The following LPGAT1 variants were observed in gnomAD, a reference collection of about 807,000 sequenced individuals.
LPGAT1 encodes acyl-CoA:lysophosphatidylglycerol acyltransferase 1.
In LPGAT1, 11 loss-of-function variants were observed where a neutral mutation model predicts 47.5. The observed-to-expected ratio is 0.23, with a 90% CI of 0.15 to 0.38. LPGAT1 has a LOEUF of 0.38. LPGAT1 is among the 10% of genes least tolerant of loss of function. The probability of loss-of-function intolerance (pLI) is 1.00; values close to 1 mark genes in which losing one functional copy is unlikely to be tolerated. For synonymous variants in LPGAT1, 138 were observed against 144.2 expected (o/e 0.96, Z 0.31); for missense variants, 293 against 439.0 (o/e 0.67, Z 2.97).
chr1:211,758,294 C>T (rs543750612), intron 6 of LPGAT1, among the ~76,000 whole-genome samples: 2 of 152,156 alleles, frequency 1.3e-5, no homozygotes, highest in Non-Finnish European at 2.9e-5. Flanking sequence ...TACCAAGGAA[C>T]CTTACAATTT....
At chr1:211,808,167 G>T (rs771307884) in intron 2 of LPGAT1, among the ~76,000 whole-genome samples, 1 of 151,986 alleles carries the variant, frequency 6.6e-6, no homozygotes, top group African/African-American at 2.4e-5. Flanking sequence ...CCAACATGGA[G>T]AAACCCCGTC....
At chr1:211,798,744 A>G (rs928348933) in intron 2 of LPGAT1, among the ~76,000 whole-genome samples, 11 of 152,198 alleles carry the variant, frequency 7.2e-5, no homozygotes, top group African/African-American at 1.9e-4. Context: ...AAAATAATCC[A>G]TAAGTGAATT....
intron 2 of LPGAT1, among the ~76,000 whole-genome samples, chr1:211,825,001 C>G (rs12059988): frequency 2.0e-4 from 31 of 151,686 alleles, no homozygotes; most frequent in Non-Finnish European, 3.4e-4. Flanking sequence ...AAGCCCCCCC[C>G]AAATAATGCC....
intron 2 of LPGAT1, among the ~76,000 whole-genome samples, chr1:211,806,393 C>T (rs1464681112): frequency 1.1e-4 from 17 of 150,904 alleles, no homozygotes. Flanking sequence ...AGCTGGAAGC[C>T]ATTACGCTAA....
chr1:211,821,175 G>A (rs994685783), intron 2 of LPGAT1, among the ~76,000 whole-genome samples: 1 of 152,200 alleles, frequency 6.6e-6, no homozygotes, highest in Non-Finnish European at 1.5e-5. Context: ...ACAATTGCTT[G>A]AACCCAGGAG....
At chr1:211,756,834 C>T (rs1284173796) in intron 6 of LPGAT1, among the ~76,000 whole-genome samples, 1 of 151,766 alleles carries the variant, frequency 6.6e-6, no homozygotes, top group Non-Finnish European at 1.5e-5. Context: ...GCTGAGATTC[C>T]CTTCTACAAC....
chr1:211,784,557 G>C (rs1658778029), intron 4 of LPGAT1, among the ~76,000 whole-genome samples: 1 of 151,388 alleles, frequency 6.6e-6, no homozygotes, highest in Non-Finnish European at 1.5e-5. Flanking sequence ...GACCACAGGA[G>C]ATAAGTTAGA....
chr1:211,777,153 T>C (rs1172970050), intron 6 of LPGAT1, among the ~76,000 whole-genome samples: 1 of 152,128 alleles, frequency 6.6e-6, no homozygotes, highest in Non-Finnish European at 1.5e-5. Flanking sequence ...AAAAACAATA[T>C]ACGAGAAGTC....
intron 2 of LPGAT1, among the ~76,000 whole-genome samples, chr1:211,807,588 C>T (rs974063869): frequency 1.6e-4 from 24 of 151,984 alleles, no homozygotes; most frequent in Non-Finnish European, 2.2e-4. Context: ...AAAAGAGGAT[C>T]CTGAAATAGA....
rs985758123 is a variant in LPGAT1, at chr1:211,768,199, C to T, written c.854+10719G>A. Among the ~76,000 whole-genome samples the T allele has an allele frequency of 3.9e-5, 6 of 152,094 alleles. 1 individual carries two copies. The highest frequency in any genetic ancestry group is 6.5e-5 in the Admixed American group (1 of 15,282). Reference sequence around the variant, plus strand: ...TAAAAGGGAAAAACCTATTTAGTATCTTATTAAATGGTATGCATTTGAAAT... The same window carrying T: ...TAAAAGGGAAAAACCTATTTAGTATTTTATTAAATGGTATGCATTTGAAAT... On this transcript the variant is annotated intron_variant, in intron 6 of 7. Transcript: ENST00000366997.
At chr1:211,767,386 T>C (rs1259752087) in intron 6 of LPGAT1, among the ~76,000 whole-genome samples, 2 of 152,168 alleles carry the variant, frequency 1.3e-5, no homozygotes, top group Non-Finnish European at 2.9e-5. Flanking sequence ...TCCATTCACC[T>C]CGGCCTCCCA....
At chr1:211,755,519 T>C (rs1026388757) in intron 6 of LPGAT1, among the ~76,000 whole-genome samples, 11 of 151,544 alleles carry the variant, frequency 7.3e-5, no homozygotes, top group African/African-American at 1.2e-4. Context: ...GGGGGAGTAT[T>C]TTAAAACCCA....
At chr1:211,757,240 G>A (rs1657500565) in intron 6 of LPGAT1, among the ~76,000 whole-genome samples, 1 of 149,544 alleles carries the variant, frequency 6.7e-6, no homozygotes, top group Admixed American at 6.8e-5. Context: ...GGCAACAAGA[G>A]TAAAATTCTG....
chr1:211,790,598 T>C (rs1215748317), intron 3 of LPGAT1, among the ~76,000 whole-genome samples: 3 of 152,212 alleles, frequency 2.0e-5, no homozygotes, highest in Admixed American at 2.0e-4. Flanking sequence ...AATATTCTTC[T>C]AGATTTCAAA....
At position 211,778,980 on chromosome 1, in the gene LPGAT1, A is replaced by T. The variant is rs556304304; in HGVS notation, c.792T>A (p.Pro264=). The T allele has an allele frequency of 6.2e-7, 1 of 1,610,554 alleles. No homozygotes were observed. The highest frequency in any genetic ancestry group is 1.3e-5 in the African/African-American group (1 of 74,842). ...CAAGGATCCAGGTTTGAATATCTAT[A>T]GGTTCAGCTTTGGGATAAGCTATCG... ...DTTIAYPKAE[P]IDIQTWILGY... Residue 264 remains proline, a synonymous_variant, in exon 6 of 8, where the codon CCT becomes CCA. Coordinates refer to ENST00000366997, the MANE Select transcript of LPGAT1 (RefSeq NM_014873.3).
intron 6 of LPGAT1, among the ~76,000 whole-genome samples, chr1:211,774,132 C>CTTTTTTTTTT (rs67342051): frequency 0.012 from 832 of 66,806 alleles, 164 homozygotes; most frequent in African/African-American, 0.016. Context: ...TTTTAAAAGT[C>CTTTTTTTTTT]TTTTTTTTTT....
At position 211,795,493 on chromosome 1, in the gene LPGAT1, A is replaced by G. The variant is rs548373825; in HGVS notation, c.239-2303T>C. Among the ~76,000 whole-genome samples, 21 of 152,068 alleles carry G rather than the reference A, an allele frequency of 1.4e-4. No individual in the cohort carries two copies. The South Asian group carries it at 4.4e-3, about 32-fold the overall frequency. Reference sequence around the variant, plus strand: ...AGCGATTCTCCTGCCTCAGCCTCCCAAGTAGCTGGGATTACAGGCATGCGC... The same window carrying G: ...AGCGATTCTCCTGCCTCAGCCTCCCGAGTAGCTGGGATTACAGGCATGCGC... On this transcript the variant is annotated intron_variant, in intron 2 of 7. Transcript: ENST00000366997.
At chr1:211,780,185 T>G (rs1031762553) in intron 5 of LPGAT1, among the ~76,000 whole-genome samples, 4 of 152,050 alleles carry the variant, frequency 2.6e-5, no homozygotes, top group Admixed American at 2.6e-4. Flanking sequence ...CTCAAAAAGA[T>G]AAAATACATA....
chr1:211,781,291 G>T (rs927436227), intron 5 of LPGAT1, among the ~76,000 whole-genome samples: 8 of 152,102 alleles, frequency 5.3e-5, no homozygotes, highest in Admixed American at 2.0e-4. Flanking sequence ...TCACTATTAT[G>T]CAGTCAGTAT....
Sources: allele counts gnomAD v4.1 joint callset (sites outside exome capture counted in the v4.1 genomes callset), GRCh38; gene constraint gnomAD v4.1.1; transcripts MANE v1.5; gene names NCBI Gene and HGNC (gene_info 2026-07-23, HGNC 2026-07-21).